SPON1: variants seen among roughly 807,000 people sequenced by gnomAD.
SPON1 encodes spondin-1.
SPON1 carries 52 observed loss-of-function variants against 111.7 expected under a neutral mutation model. That is an observed-to-expected ratio of 0.47 (90% CI 0.37 to 0.59). SPON1 has a LOEUF of 0.59. Among genes scored for constraint, SPON1 ranks in the 20% least tolerant of loss-of-function variants. The pLI, the probability that SPON1 is intolerant of heterozygous loss-of-function variation, is 0.00. For synonymous variants in SPON1, 410 were observed against 395.8 expected, an observed-to-expected ratio of 1.04 and a Z score of -0.43; for missense variants, 957 against 1,068.5, an observed-to-expected ratio of 0.90 and a Z score of 1.46.
intron 6 of SPON1, among the ~76,000 whole-genome samples, chr11:14,197,488 AAAAT>A (rs10642040): frequency 0.4 from 57,891 of 144,798 alleles, 11,621 homozygotes; most frequent in Middle Eastern, 0.46. Context: ...GTCCTCTTTA[AAAAT>A]AAATAAATAA....
intron 6 of SPON1, among the ~76,000 whole-genome samples, chr11:14,215,209 C>T (rs1023878142): frequency 5.9e-5 from 9 of 152,164 alleles, no homozygotes; most frequent in African/African-American, 2.2e-4. Flanking sequence ...GTATGCACCA[C>T]ACCCAGCCCA....
chr11:14,015,790 G>A (rs371334813), intron 2 of SPON1, among the ~76,000 whole-genome samples: 3 of 152,296 alleles, frequency 2.0e-5, no homozygotes, highest in Admixed American at 6.5e-5. Context: ...GTTAGGAATG[G>A]AGTGAGTCAT....
At chr11:14,001,671 T>A (rs1848320143) in intron 2 of SPON1, among the ~76,000 whole-genome samples, 1 of 152,068 alleles carries the variant, frequency 6.6e-6, no homozygotes, top group Non-Finnish European at 1.5e-5. Flanking sequence ...ATAACAACAG[T>A]GGATTACAAC....
intron 5 of SPON1, among the ~76,000 whole-genome samples, chr11:14,091,940 C>T (rs989053391): frequency 7.2e-5 from 11 of 152,208 alleles, no homozygotes; most frequent in African/African-American, 2.4e-4. Flanking sequence ...GGGGGAGGCC[C>T]CCAGCTGCTT....
intron 3 of SPON1, among the ~76,000 whole-genome samples, chr11:14,074,476 T>G (rs1848900991): frequency 1.3e-5 from 2 of 152,198 alleles, no homozygotes; most frequent in Admixed American, 1.3e-4. Context: ...TCCCTATATC[T>G]GTTAAACAGG....
intron 2 of SPON1, among the ~76,000 whole-genome samples, chr11:14,009,952 G>A (rs868980198): frequency 6.6e-6 from 1 of 152,126 alleles, no homozygotes; most frequent in Non-Finnish European, 1.5e-5. Context: ...TTGATGGAGG[G>A]GGCTGTCAAC....
chr11:14,022,039 G>C (rs903275745), intron 2 of SPON1, among the ~76,000 whole-genome samples: 1 of 152,190 alleles, frequency 6.6e-6, no homozygotes, highest in Non-Finnish European at 1.5e-5. Flanking sequence ...TCCAGAAAGA[G>C]AGCCCAGTGA....
intron 6 of SPON1, among the ~76,000 whole-genome samples, chr11:14,229,951 C>CGTGTGTGTGTGTGTGTGTGT (rs55709324): frequency 1.4e-5 from 2 of 144,970 alleles, no homozygotes; most frequent in African/African-American, 5.2e-5. Context: ...TCTGTGTGTC[C>CGTGTGTGTGTGTGTGTGTGT]GTGTGTGTGT....
At chr11:14,060,733 A>G (rs1564896047) in intron 3 of SPON1, among the ~76,000 whole-genome samples, 4 of 152,202 alleles carry the variant, frequency 2.6e-5, no homozygotes, top group Non-Finnish European at 4.4e-5. Flanking sequence ...AATGTCTACT[A>G]CAGAGTGCCT....
intron 1 of SPON1, among the ~76,000 whole-genome samples, chr11:13,963,729 T>G (rs1847993450): frequency 6.6e-6 from 1 of 152,072 alleles, no homozygotes; most frequent in Admixed American, 6.5e-5. Context: ...AGCCTAAAGC[T>G]CCTCGAAAGG....
chr11:13,973,693 A>G (rs1848080641), intron 1 of SPON1, among the ~76,000 whole-genome samples: 1 of 152,178 alleles, frequency 6.6e-6, no homozygotes, highest in Non-Finnish European at 1.5e-5. Flanking sequence ...AAATGTTTTT[A>G]TATACTTCCT....
chr11:14,165,740 C>T (rs190963085), intron 6 of SPON1, among the ~76,000 whole-genome samples: 14 of 152,280 alleles, frequency 9.2e-5, no homozygotes, highest in African/African-American at 2.4e-4. Flanking sequence ...TTTCTGTCTC[C>T]AGTCCCCATT....
rs1849089370 is a variant in SPON1, at chr11:14,254,857, A to G, written c.1092+128A>G. ...TTTCAGTCTGGCTGGGGAGGCTGGCATGGTCGCATCATCACATATGGTGTA... is the reference window on the plus strand; with the variant it reads ...TTTCAGTCTGGCTGGGGAGGCTGGCGTGGTCGCATCATCACATATGGTGTA... On this transcript the variant is annotated intron_variant, in intron 8 of 15. Transcript: ENST00000576479. 5 of 883,168 alleles carry G rather than the reference A, an allele frequency of 5.7e-6. No homozygotes were observed. The Admixed American group carries it at 1.0e-4, about 18-fold the overall frequency. The allele number at this position is 883,168 out of a possible 1,614,324, so 54.7% of individuals were successfully genotyped here.
At chr11:14,062,956 C>T (rs2133823923) in intron 3 of SPON1, among the ~76,000 whole-genome samples, 1 of 152,160 alleles carries the variant, frequency 6.6e-6, no homozygotes, top group East Asian at 1.9e-4. Context: ...TGGTTTTGCT[C>T]TTGTTCCCTT....
At chr11:14,069,295 G>A (rs902793095) in intron 3 of SPON1, among the ~76,000 whole-genome samples, 1 of 152,008 alleles carries the variant, frequency 6.6e-6, no homozygotes, top group African/African-American at 2.4e-5. Context: ...CACATAGGAA[G>A]GTGCTTAACT....
At chr11:14,044,540 G>A (rs1848654337) in intron 3 of SPON1, among the ~76,000 whole-genome samples, 1 of 152,106 alleles carries the variant, frequency 6.6e-6, no homozygotes, top group African/African-American at 2.4e-5. Flanking sequence ...TGAATCTGAG[G>A]GGTGGCAGTT....
chr11:14,013,956 A>G (rs1692502167), intron 2 of SPON1, among the ~76,000 whole-genome samples: 1 of 152,168 alleles, frequency 6.6e-6, no homozygotes, highest in Non-Finnish European at 1.5e-5. Context: ...GCCTGTTTCC[A>G]TTATCGTGGA....
At chr11:14,098,287 G>GT (rs1407144886) in intron 5 of SPON1, among the ~76,000 whole-genome samples, 2 of 152,166 alleles carry the variant, frequency 1.3e-5, no homozygotes, top group African/African-American at 4.8e-5. Flanking sequence ...TGAGCCGGAT[G>GT]TTGGATTTTC....
Position 14,265,736 on chromosome 11 carries a change from A to G in SPON1, c.*49A>G, listed in dbSNP as rs782812112. Reference sequence around the variant, plus strand: ...TGCACTCTAGATTCCAGAGTCACCAATGGCTGGATTATTTGCTTGTTTAAG... The same window carrying G: ...TGCACTCTAGATTCCAGAGTCACCAGTGGCTGGATTATTTGCTTGTTTAAG... On this transcript the variant is annotated 3_prime_UTR_variant, in exon 16 of 16. Transcript: ENST00000576479. 6.3e-7 allele frequency: 1 copy of G among 1,578,014 alleles called. No individual in the cohort carries two copies. Among genetic ancestry groups the G allele is most frequent in the South Asian group, 1.2e-5 (1 of 86,580 alleles).
Sources: allele counts gnomAD v4.1 joint callset (sites outside exome capture counted in the v4.1 genomes callset), GRCh38; gene constraint gnomAD v4.1.1; transcripts MANE v1.5; gene names NCBI Gene and HGNC (gene_info 2026-07-23, HGNC 2026-07-21).